CPQ: variants seen among roughly 807,000 people sequenced by gnomAD.
CPQ encodes carboxypeptidase Q, also known as Ser-Met dipeptidase.
In CPQ, 37 loss-of-function variants were observed where a neutral mutation model predicts 45.7. That is an observed-to-expected ratio of 0.81 (90% CI 0.62 to 1.07). The LOEUF (loss-of-function observed/expected upper bound fraction) is 1.07. Among genes scored for constraint, CPQ ranks in the 50% least tolerant of loss-of-function variants. CPQ has a pLI of 0.00. For missense variants in CPQ, 537 were observed against 572.9 expected (o/e 0.94, Z 0.64); for synonymous variants, 186 against 205.8 (o/e 0.90, Z 0.82).
At chr8:96,901,356 C>T (rs566846726) in intron 4 of CPQ, among the ~76,000 whole-genome samples, 2 of 152,218 alleles carry the variant, frequency 1.3e-5, no homozygotes, top group East Asian at 3.9e-4. Context: ...GGTGTTCATT[C>T]CCAGGGCATA....
intron 5 of CPQ, among the ~76,000 whole-genome samples, chr8:97,026,316 A>G (rs1809798165): frequency 6.6e-6 from 1 of 152,144 alleles, no homozygotes; most frequent in Non-Finnish European, 1.5e-5. Flanking sequence ...GGCAATTACC[A>G]TTTTCCTTAT....
At chr8:96,940,011 A>G (rs560845724) in intron 4 of CPQ, among the ~76,000 whole-genome samples, 38 of 152,224 alleles carry the variant, frequency 2.5e-4, no homozygotes, top group African/African-American at 9.1e-4. Flanking sequence ...TTTACCATCA[A>G]TACTCTTTTC....
At chr8:96,702,167 T>C (rs780512252) in intron 1 of CPQ, among the ~76,000 whole-genome samples, 1 of 152,206 alleles carries the variant, frequency 6.6e-6, no homozygotes, top group Non-Finnish European at 1.5e-5. Context: ...TGGTTTGTCT[T>C]TGGCAGTAGC....
intron 5 of CPQ, among the ~76,000 whole-genome samples, chr8:97,010,906 A>G (rs987036916): frequency 2.6e-5 from 4 of 152,128 alleles, no homozygotes; most frequent in Admixed American, 1.3e-4. Flanking sequence ...TTATTTTACA[A>G]TCATCTTGAC....
intron 4 of CPQ, among the ~76,000 whole-genome samples, chr8:96,927,055 A>G (rs1266060607): frequency 6.6e-6 from 1 of 152,264 alleles, no homozygotes; most frequent in East Asian, 1.9e-4. Context: ...AGCGATGACT[A>G]TTAAACTTTG....
rs1197325032 is a variant in CPQ at position 96,741,481 on chromosome 8, C to G, written c.-34-43383C>G. ...TTTTGTGTCTCTATTTCCTTCAGTT[C>G]TGCTCTGATTTTAGTTATTTCTTGC... On this transcript the variant is annotated intron_variant, in intron 1 of 7. Coordinates refer to ENST00000220763, the MANE Select transcript of CPQ (RefSeq NM_016134.4). Among the ~76,000 whole-genome samples, 4 of 152,010 alleles carry G rather than the reference C, an allele frequency of 2.6e-5. No homozygotes were observed. The East Asian group carries it at 7.7e-4, about 29-fold the overall frequency.
At chr8:96,737,670 C>T (rs907892993) in intron 1 of CPQ, among the ~76,000 whole-genome samples, 2 of 152,128 alleles carry the variant, frequency 1.3e-5, no homozygotes, top group African/African-American at 4.8e-5. Flanking sequence ...CTTTTGGCAA[C>T]ACCCACACAG....
chr8:96,652,880 C>T (rs1174339819), intron 1 of CPQ, among the ~76,000 whole-genome samples: 3 of 152,202 alleles, frequency 2.0e-5, no homozygotes, highest in South Asian at 2.1e-4. Flanking sequence ...GTGATCCGCC[C>T]GCCTCAGCCT....
Position 96,695,816 on chromosome 8 carries a change from A to T in CPQ, c.-35+50414A>T, listed in dbSNP as rs1162438907. ...ACAGGTGCTGGAGAGGATGTGGAGAAATAGGAACACTTTTACACTGTTGAT... is the reference window on the plus strand; with the variant it reads ...ACAGGTGCTGGAGAGGATGTGGAGATATAGGAACACTTTTACACTGTTGAT... On this transcript the variant is annotated intron_variant, in intron 1 of 7. Coordinates refer to ENST00000220763, the MANE Select transcript of CPQ (RefSeq NM_016134.4). 1.2e-4 allele frequency among the ~76,000 whole-genome samples: 18 copies of T among 151,096 alleles called. No individual in the cohort carries two copies. In the South Asian group the frequency reaches 3.7e-3, roughly 31 times the overall value.
At chr8:96,994,986 G>A (rs1305783594) in intron 5 of CPQ, among the ~76,000 whole-genome samples, 1 of 151,930 alleles carries the variant, frequency 6.6e-6, no homozygotes, top group Non-Finnish European at 1.5e-5. Flanking sequence ...CCTAAACAAG[G>A]CAATAGCTAT....
chr8:96,812,740 G>T (rs1482525379), intron 2 of CPQ, among the ~76,000 whole-genome samples: 1 of 151,980 alleles, frequency 6.6e-6, no homozygotes, highest in Admixed American at 6.6e-5. Context: ...AGGAAACCAG[G>T]GGTTGCCACT....
chr8:96,868,366 A>G (rs1375029058), intron 3 of CPQ, among the ~76,000 whole-genome samples: 1 of 152,074 alleles, frequency 6.6e-6, no homozygotes, highest in Non-Finnish European at 1.5e-5. Flanking sequence ...GTTCACCTTC[A>G]CATCTGTAAA....
intron 5 of CPQ, among the ~76,000 whole-genome samples, chr8:96,995,299 A>G (rs1809159010): frequency 6.6e-6 from 1 of 152,134 alleles, no homozygotes; most frequent in Admixed American, 6.6e-5. Flanking sequence ...CTCAAGAAAT[A>G]TCATTATAGT....
chr8:97,080,913 TTTCC>T (rs376433211), intron 7 of CPQ, among the ~76,000 whole-genome samples: 1 of 151,770 alleles, frequency 6.6e-6, no homozygotes, highest in African/African-American at 2.4e-5. Context: ...CCCACCCTTC[TTTCC>T]TTCCTTCCTT....
chr8:96,720,370 A>G (rs112502439), intron 1 of CPQ, among the ~76,000 whole-genome samples: 4 of 151,310 alleles, frequency 2.6e-5, no homozygotes, highest in Admixed American at 2.6e-4. Flanking sequence ...TATTGCAGAC[A>G]CTCAAATCTG....
chr8:96,877,893 A>C (rs1182482268), intron 3 of CPQ, among the ~76,000 whole-genome samples: 1 of 152,288 alleles, frequency 6.6e-6, no homozygotes, highest in African/African-American at 2.4e-5. Context: ...CTGTATTCCA[A>C]GTTCTGGGTT....
intron 4 of CPQ, among the ~76,000 whole-genome samples, chr8:96,909,984 G>A (rs143066070): frequency 9.2e-5 from 14 of 152,188 alleles, no homozygotes; most frequent in African/African-American, 3.4e-4. Context: ...CACGGGATTT[G>A]GAGTCAGCAG....
At position 96,790,616 on chromosome 8, in the gene CPQ, C is replaced by T. The variant is rs140636813; in HGVS notation, c.433+5286C>T. Among the ~76,000 whole-genome samples, 215 of 152,154 alleles carry T rather than the reference C, an allele frequency of 1.4e-3. 1 individual carries two copies. The highest frequency in any genetic ancestry group is 4.3e-3 in the African/African-American group (178 of 41,510). ...GAATTGGGTGGAGAGAAAGCTCTTA[C>T]GTTCTTGTCTGCACTTGGTCAGAAT... is the stretch of plus-strand genomic sequence containing the variant. On this transcript the variant is annotated intron_variant, in intron 2 of 7. Coordinates refer to ENST00000220763, the MANE Select transcript of CPQ (RefSeq NM_016134.4).
chr8:96,702,120 G>A (rs113084296), intron 1 of CPQ, among the ~76,000 whole-genome samples: 3,701 of 152,278 alleles, frequency 0.024, 166 homozygotes, highest in African/African-American at 0.084. Context: ...GCAGAACTGC[G>A]GGGTTAACAA....
Sources: allele counts gnomAD v4.1 joint callset (sites outside exome capture counted in the v4.1 genomes callset), GRCh38; gene constraint gnomAD v4.1.1; transcripts MANE v1.5; gene names NCBI Gene and HGNC (gene_info 2026-07-23, HGNC 2026-07-21).